The following RECQL5 variants were observed in gnomAD, a reference collection of about 807,000 sequenced individuals.
RECQL5 encodes the protein RecQ like helicase 5, also known as ATP-dependent DNA helicase Q5.
In RECQL5, 88 loss-of-function variants were observed where a neutral mutation model predicts 103.4. The observed-to-expected ratio is 0.85, with a 90% CI of 0.72 to 1.02. The LOEUF (loss-of-function observed/expected upper bound fraction) is 1.02. Among genes scored for constraint, RECQL5 ranks in the 50% least tolerant of loss-of-function variants. RECQL5 has a pLI of 0.00. For synonymous variants in RECQL5, 552 were observed against 507.9 expected, an observed-to-expected ratio of 1.09 and a Z score of -1.17; for missense variants, 1,232 against 1,284.3, an observed-to-expected ratio of 0.96 and a Z score of 0.62.
intron 8 of RECQL5, chr17:75,649,427 G>T: frequency 6.3e-6 from 1 of 157,976 alleles, no homozygotes; most frequent in Non-Finnish European, 1.4e-5. Flanking sequence ...TTTTCTGCTG[G>T]TCCCACTCCC....
At chr17:75,631,762 G>T in intron 8 of RECQL5, 94 bp from the exon 9 acceptor site, 1 of 1,290,304 alleles carries the variant, frequency 7.8e-7, no homozygotes, top group Non-Finnish European at 1.1e-6. Flanking sequence ...AGCGAGCACT[G>T]CCGCGTCCGG....
At chr17:75,634,025 G>C (rs2059271851) in intron 8 of RECQL5, 3 of 985,440 alleles carry the variant, frequency 3.0e-6, no homozygotes, top group Middle Eastern at 5.2e-4. Context: ...TTGACACTTG[G>C]ATCTCCAGGA....
rs752631656 is a variant in RECQL5 at position 75,629,860 on chromosome 17, G to A, written c.1813-18C>T. 5.9e-5 allele frequency: 92 copies of A among 1,572,126 alleles called. No homozygotes were observed. Among genetic ancestry groups the A allele is most frequent in the Non-Finnish European group, 7.3e-5 (85 of 1,156,694 alleles). On this transcript the variant is annotated intron_variant, in intron 14 of 19. Coordinates refer to ENST00000317905, the MANE Select transcript of RECQL5 (RefSeq NM_004259.7). The stretch of plus-strand genomic sequence containing the variant: ...TCGGCCACCTGGGCAGGGATAGGCA[G>A]GGAGGCTGTGGCACCCGCCAGCTCC...
chr17:75,662,682 C>A lies in RECQL5; in HGVS notation c.568G>T (p.Ala190Ser), dbSNP rs775413688. 1.2e-6 allele frequency: 2 copies of A among 1,614,064 alleles called. No individual in the cohort carries two copies. The highest frequency in any genetic ancestry group is 2.7e-5 in the African/African-American group (2 of 75,062). Reference protein sequence around the residue: ...RSRLGHAPCVALTATATPQVQ... With the variant: ...RSRLGHAPCVSLTATATPQVQ... ...TGTGGGGTGGCTGTGGCGGTCAGAG[C>A]CACACAAGGGGCATGTCCCAGGCGG... Residue 190 changes from alanine (A) to serine (S), a missense_variant, in exon 4 of 20, where the codon GCT (alanine) becomes TCT (serine). By Grantham distance (99) the Ala-to-Ser change is moderately conservative (BLOSUM62 1). Transcript: ENST00000317905.
At chr17:75,654,900 C>T (rs2059597420) in intron 7 of RECQL5, among the ~76,000 whole-genome samples, 1 of 152,172 alleles carries the variant, frequency 6.6e-6, no homozygotes, top group African/African-American at 2.4e-5. Flanking sequence ...TCAAGTGATC[C>T]TCCCACCTCA....
rs202176342 is a variant in RECQL5, at chr17:75,655,708, G to A, written c.1149+2590C>T. On this transcript the variant is annotated intron_variant, in intron 7 of 19. Coordinates refer to ENST00000317905, the MANE Select transcript of RECQL5 (RefSeq NM_004259.7). Reference sequence around the variant, plus strand: ...TTTTGAGACAGGGTCTCACTTTGTCGCCCAGGCTGGAGTGCGTCCTCCACT... The same window carrying A: ...TTTTGAGACAGGGTCTCACTTTGTCACCCAGGCTGGAGTGCGTCCTCCACT... 4.6e-5 allele frequency among the ~76,000 whole-genome samples: 7 copies of A among 150,616 alleles called. No individual in the cohort carries two copies. The East Asian group carries it at 1.2e-3, about 25-fold the overall frequency.
At chr17:75,660,494 G>A (rs377079945) in intron 6 of RECQL5, among the ~76,000 whole-genome samples, 4 of 152,192 alleles carry the variant, frequency 2.6e-5, no homozygotes, top group Non-Finnish European at 4.4e-5. Flanking sequence ...AACATGTATC[G>A]AGTGTTAACT....
rs1243866724 is a variant in RECQL5, at chr17:75,640,302, C to T, written c.1230-8634G>A. ...CAGGCTGAGCCCGTGGAGATCGTGG[C>T]CTTCTCAGTCATCATCCTTTTCACA... On this transcript the variant is annotated intron_variant, in intron 8 of 19. Coordinates refer to ENST00000317905, the MANE Select transcript of RECQL5 (RefSeq NM_004259.7). The surrounding 1 kb of genome is among the most constrained non-coding windows in gnomAD (Gnocchi z 4.6). 1.9e-6 allele frequency: 3 copies of T among 1,550,144 alleles called. No homozygotes were observed. The highest frequency in any genetic ancestry group is 2.6e-6 in the Non-Finnish European group (3 of 1,146,362).
At chr17:75,639,972 T>C (rs2059403014) in intron 8 of RECQL5, 2 of 533,346 alleles carry the variant, frequency 3.7e-6, no homozygotes, top group South Asian at 5.7e-5. Flanking sequence ...CCTCACCGGC[T>C]TCCTCCACCC....
At chr17:75,648,213 A>G (rs1024617104) in intron 8 of RECQL5, among the ~76,000 whole-genome samples, 1 of 151,758 alleles carries the variant, frequency 6.6e-6, no homozygotes, top group Non-Finnish European at 1.5e-5. Context: ...CCCTCACACC[A>G]CACTTTACTC....
chr17:75,651,002 C>G (rs926775624), intron 8 of RECQL5, 184 bp downstream of exon 8: 2 of 1,512,486 alleles, frequency 1.3e-6, no homozygotes, highest in African/African-American at 2.8e-5. Context: ...TGCGAGAGAT[C>G]CCGGGGCCTC....
chr17:75,655,238 A>T (rs542944574), intron 7 of RECQL5, among the ~76,000 whole-genome samples: 20 of 150,250 alleles, frequency 1.3e-4, no homozygotes, highest in South Asian at 8.4e-4. Context: ...CGCGCGGCTA[A>T]TTTTTGTATT....
rs1389445160 is a variant in RECQL5, at chr17:75,662,539, A to G, written c.711T>C (p.Asp237=). 4 of 1,614,132 alleles carry G rather than the reference A, an allele frequency of 2.5e-6. No individual in the cohort carries two copies. Among genetic ancestry groups the G allele is most frequent in the Non-Finnish European group, 3.4e-6 (4 of 1,180,028 alleles). ...YDVQFKELIS[D]PYGNLKDFCL... ...AGAAGTCCTTCAGGTTCCCATAGGG[A>G]TCAGAAATCAGTTCCTTGAATTGCA... Residue 237 remains aspartate, a synonymous_variant, in exon 4 of 20, where the codon GAT becomes GAC. Transcript: ENST00000317905.
intron 8 of RECQL5, chr17:75,633,853 G>A (rs768745651): frequency 6.4e-5 from 64 of 996,734 alleles, no homozygotes; most frequent in Middle Eastern, 4.9e-4. Flanking sequence ...AGCCCACGGC[G>A]TGGGAGTCGG....
chr17:75,664,070 A>AAAG (rs1555714510), intron 3 of RECQL5, among the ~76,000 whole-genome samples: 71 of 149,306 alleles, frequency 4.8e-4, no homozygotes, highest in East Asian at 5.8e-4. Context: ...AAAAAAAAAA[A>AAAG]AAAGAAAGAA....
At chr17:75,658,859 T>C (rs1005595260) in intron 6 of RECQL5, among the ~76,000 whole-genome samples, 3 of 152,182 alleles carry the variant, frequency 2.0e-5, no homozygotes, top group Non-Finnish European at 4.4e-5. Flanking sequence ...TGCCAGTTTA[T>C]ATATGTCTCA....
At position 75,631,616 on chromosome 17, in the gene RECQL5, C is replaced by A; in HGVS notation, c.1282G>T (p.Ala428Ser). ...TTCTGGCAGTGGTCGCAGCCTTTGG[C>A]GCAGGCAGGCAGCGCATCCCCGAAG... ...KYFGDALPAC[A>S]KGCDHCQNPT... Residue 428 changes from alanine (A) to serine (S), a missense_variant, in exon 9 of 20, where the codon GCC becomes TCC. Coordinates refer to ENST00000317905, the MANE Select transcript of RECQL5 (RefSeq NM_004259.7). 6.2e-7 allele frequency: 1 copy of A among 1,612,502 alleles called. No homozygotes were observed. The highest frequency in any genetic ancestry group is 2.2e-5 in the East Asian group (1 of 44,880).
chr17:75,642,932 C>T (rs1599023707), intron 8 of RECQL5, among the ~76,000 whole-genome samples: 1 of 152,206 alleles, frequency 6.6e-6, no homozygotes, highest in African/African-American at 2.4e-5. Context: ...CAGAACTTGG[C>T]CTCCTGGTTG....
At chr17:75,666,776 A>T in intron 1 of RECQL5, 1 of 561,556 alleles carries the variant, frequency 1.8e-6, no homozygotes. Flanking sequence ...CTCAATGAAA[A>T]TGAAAACATT....
Sources: allele counts gnomAD v4.1 joint callset (sites outside exome capture counted in the v4.1 genomes callset), GRCh38; gene constraint gnomAD v4.1.1; non-coding constraint Gnocchi (gnomAD v3.1); transcripts MANE v1.5; gene names NCBI Gene and HGNC (gene_info 2026-07-23, HGNC 2026-07-21).